CNTN1: variants seen among roughly 807,000 people sequenced by gnomAD.
The protein encoded by CNTN1 is contactin-1.
CNTN1 carries 38 observed loss-of-function variants against 126.4 expected under a neutral mutation model. The ratio of observed to expected loss-of-function variants is 0.30; its 90% CI spans 0.23 to 0.39. The LOEUF is 0.39. Among genes scored for constraint, CNTN1 ranks in the 10% least tolerant of loss-of-function variants. The pLI, the probability that CNTN1 is intolerant of heterozygous loss-of-function variation, is 1.00. For missense variants in CNTN1, 1,009 were observed against 1,248.4 expected, an observed-to-expected ratio of 0.81 and a Z score of 2.89; for synonymous variants, 413 against 422.6, an observed-to-expected ratio of 0.98 and a Z score of 0.28.
At chr12:41,034,663 T>C (rs144884499) in intron 23 of CNTN1, among the ~76,000 whole-genome samples, 260 of 152,326 alleles carry the variant, frequency 1.7e-3, no homozygotes, top group African/African-American at 5.9e-3. Flanking sequence ...TATTCAAGTA[T>C]ATAAATCTAG....
Position 40,936,765 on chromosome 12 carries a change from G to T in CNTN1, c.986-16G>T, listed in dbSNP as rs1240741402. ...GAGCCCTTCATTTAACATTTACAAT[G>T]TTCCTTACTTTTTAGCATTCCCTGA... On this transcript the variant is annotated splice_polypyrimidine_tract_variant and intron_variant, in intron 9 of 23. Coordinates refer to ENST00000551295, the MANE Select transcript of CNTN1 (RefSeq NM_001843.4). 4.3e-6 allele frequency: 7 copies of T among 1,610,588 alleles called. No homozygotes were observed. The highest frequency in any genetic ancestry group is 4.2e-6 in the Non-Finnish European group (5 of 1,178,816).
chr12:40,816,319 A>G (rs188328884), intron 1 of CNTN1, among the ~76,000 whole-genome samples: 8 of 152,216 alleles, frequency 5.3e-5, no homozygotes, highest in Admixed American at 2.6e-4. Flanking sequence ...TTACTGCCTC[A>G]ATTTCAGAGC....
intron 1 of CNTN1, among the ~76,000 whole-genome samples, chr12:40,836,008 GTATA>G (rs1555166392): frequency 6.7e-6 from 1 of 148,242 alleles, no homozygotes; most frequent in African/African-American, 2.5e-5. Context: ...GTGTGTGTGT[GTATA>G]TATGTATGCA....
intron 15 of CNTN1, among the ~76,000 whole-genome samples, chr12:40,962,901 A>G (rs2137018327): frequency 6.6e-6 from 1 of 152,218 alleles, no homozygotes; most frequent in East Asian, 1.9e-4. Context: ...CATTTCTGTT[A>G]GTCTTTCTAT....
chr12:40,900,551 T>C (rs1336652474), intron 1 of CNTN1, among the ~76,000 whole-genome samples: 1 of 152,218 alleles, frequency 6.6e-6, no homozygotes, highest in Non-Finnish European at 1.5e-5. Context: ...TCCACACAGT[T>C]ATTTTGCTTA....
At chr12:40,901,151 G>A (rs149886712) in intron 1 of CNTN1, among the ~76,000 whole-genome samples, 86 of 152,304 alleles carry the variant, frequency 5.6e-4, no homozygotes, top group African/African-American at 1.9e-3. Context: ...AATAGGGATC[G>A]TGTAGATTGC....
intron 1 of CNTN1, among the ~76,000 whole-genome samples, chr12:40,722,652 A>G (rs1183889913): frequency 4.6e-5 from 7 of 152,130 alleles, no homozygotes; most frequent in Admixed American, 4.6e-4. Flanking sequence ...CATGTTTTAT[A>G]TATATTATAT....
At chr12:41,047,538 C>T (rs889386598) in intron 23 of CNTN1, among the ~76,000 whole-genome samples, 3 of 151,854 alleles carry the variant, frequency 2.0e-5, no homozygotes, top group Admixed American at 6.6e-5. Flanking sequence ...TTCTCTCTTG[C>T]CTAAAAAGCT....
At chr12:40,864,019 C>CTTTTTTTTTT (rs71434336) in intron 1 of CNTN1, among the ~76,000 whole-genome samples, 8 of 92,582 alleles carry the variant, frequency 8.6e-5, no homozygotes, top group Non-Finnish European at 1.2e-4. Flanking sequence ...CTCTGCTTTC[C>CTTTTTTTTTT]TTTTTTTTTT....
Position 41,031,246 on chromosome 12 carries a change from A to T in CNTN1, c.2980+2027A>T, listed in dbSNP as rs115947707. ...CTAGGGATAGGGGAAAGCCCTGTTT[A>T]TAATGTTTGCCTGTTTCTGTGGTGT... On this transcript the variant is annotated intron_variant, in intron 23 of 23. Transcript: ENST00000551295. 2.9e-3 allele frequency among the ~76,000 whole-genome samples: 443 copies of T among 152,328 alleles called. 1 individual carries two copies. The highest frequency in any genetic ancestry group is 9.6e-3 in the African/African-American group (400 of 41,580).
chr12:40,784,734 G>A (rs1939940878), intron 1 of CNTN1, among the ~76,000 whole-genome samples: 1 of 152,216 alleles, frequency 6.6e-6, no homozygotes, highest in African/African-American at 2.4e-5. Flanking sequence ...ACAGGGTCGT[G>A]TTCTATATGG....
At chr12:40,700,302 C>A (rs944313786) in intron 1 of CNTN1, among the ~76,000 whole-genome samples, 5 of 151,926 alleles carry the variant, frequency 3.3e-5, no homozygotes, top group African/African-American at 1.2e-4. Flanking sequence ...ACGAGGCGGG[C>A]AGATCATGAG....
intron 1 of CNTN1, among the ~76,000 whole-genome samples, chr12:40,841,070 G>A (rs962174160): frequency 2.0e-5 from 3 of 151,508 alleles, no homozygotes; most frequent in African/African-American, 4.8e-5. Context: ...AACTAATCAA[G>A]CAGAAAGACC....
rs969655899 is a variant in CNTN1, at chr12:40,930,925, G to A, written c.703+923G>A. ...CACCCCCTACTTCATAGACTGAAAA[G>A]GAGCCATCATGTAAAAATTCTCTTG... On this transcript the variant is annotated intron_variant, in intron 7 of 23. Transcript: ENST00000551295. Among the ~76,000 whole-genome samples the A allele has an allele frequency of 2.6e-5, 4 of 151,850 alleles. No homozygotes were observed. In the East Asian group the frequency reaches 5.8e-4, roughly 22 times the overall value.
At chr12:40,827,046 T>C (rs541826824) in intron 1 of CNTN1, among the ~76,000 whole-genome samples, 10 of 152,342 alleles carry the variant, frequency 6.6e-5, no homozygotes, top group Non-Finnish European at 4.4e-5. Flanking sequence ...TATACATATA[T>C]GTATTTGCTG....
In CNTN1 at chr12:40,959,063, A is replaced by G. The variant is rs368687892; in HGVS notation, c.1684-51A>G. On this transcript the variant is annotated intron_variant, in intron 14 of 23. Coordinates refer to ENST00000551295, the MANE Select transcript of CNTN1 (RefSeq NM_001843.4). ...CTACCTCTTGGATCTTAAATGCCAC[A>G]TAATTGGTGAAAAATGTACTGATTT... is the stretch of plus-strand genomic sequence containing the variant. The G allele has an allele frequency of 9.9e-6, 16 of 1,609,492 alleles. No individual in the cohort carries two copies. In the African/African-American group the frequency reaches 1.6e-4, roughly 16 times the overall value.
At chr12:40,742,959 A>G (rs939440479) in intron 1 of CNTN1, among the ~76,000 whole-genome samples, 1 of 152,116 alleles carries the variant, frequency 6.6e-6, no homozygotes, top group African/African-American at 2.4e-5. Flanking sequence ...ATAGCCAGTA[A>G]TTAAATTCTG....
intron 15 of CNTN1, among the ~76,000 whole-genome samples, chr12:40,962,929 T>G (rs1027266066): frequency 2.0e-5 from 3 of 152,168 alleles, no homozygotes; most frequent in Non-Finnish European, 2.9e-5. Context: ...AGATTATTTT[T>G]GCAAGAGTAA....
At chr12:40,971,365 A>G in intron 15 of CNTN1, 1 of 1,339,810 alleles carries the variant, frequency 7.5e-7, no homozygotes, top group Non-Finnish European at 1.0e-6. Flanking sequence ...AAATCCCCCA[A>G]GTGCATGGCT....
Sources: allele counts gnomAD v4.1 joint callset (sites outside exome capture counted in the v4.1 genomes callset), GRCh38; gene constraint gnomAD v4.1.1; transcripts MANE v1.5; gene names NCBI Gene and HGNC (gene_info 2026-07-23, HGNC 2026-07-21).